ANKS1B: variants seen among roughly 807,000 people sequenced by gnomAD.
The protein encoded by ANKS1B is ankyrin repeat and sterile alpha motif domain-containing protein 1B.
ANKS1B carries 36 observed loss-of-function variants against 148.3 expected under a neutral mutation model. The ratio of observed to expected loss-of-function variants is 0.24; its 90% CI spans 0.19 to 0.32. ANKS1B has a LOEUF of 0.32. Among genes scored for constraint, ANKS1B ranks in the 10% least tolerant of loss-of-function variants. The pLI is 1.00. For synonymous variants in ANKS1B, 542 were observed against 560.8 expected, an observed-to-expected ratio of 0.97 and a Z score of 0.47; for missense variants, 1,157 against 1,542.6, an observed-to-expected ratio of 0.75 and a Z score of 4.19.
At chr12:98,894,826 G>A in intron 17 of ANKS1B, 4 of 982,730 alleles carry the variant, frequency 4.1e-6, no homozygotes, top group Non-Finnish European at 4.8e-6. Context: ...CGCGGAGCTT[G>A]GCCGCGCCGC....
intron 14 of ANKS1B, among the ~76,000 whole-genome samples, chr12:99,208,152 T>C (rs757064148): frequency 2.0e-5 from 3 of 152,112 alleles, no homozygotes; most frequent in Non-Finnish European, 4.4e-5. Flanking sequence ...TTTATCAAGA[T>C]GATTCTGTGT....
At chr12:99,362,106 T>A (rs1246217903) in intron 12 of ANKS1B, among the ~76,000 whole-genome samples, 1 of 152,050 alleles carries the variant, frequency 6.6e-6, no homozygotes, top group Non-Finnish European at 1.5e-5. Flanking sequence ...CATAAGGACA[T>A]TGCACAGCTT....
chr12:99,783,390 G>T (rs188638071), intron 4 of ANKS1B, among the ~76,000 whole-genome samples: 3 of 152,084 alleles, frequency 2.0e-5, no homozygotes, highest in African/African-American at 7.2e-5. Context: ...CATATCGCTA[G>T]CCTGAGAAAA....
intron 9 of ANKS1B, among the ~76,000 whole-genome samples, chr12:99,579,075 G>T (rs2097545590): frequency 6.6e-6 from 1 of 152,108 alleles, no homozygotes; most frequent in Non-Finnish European, 1.5e-5. Flanking sequence ...CTTCAAAAAA[G>T]TTGACAATAA....
At chr12:99,893,017 G>A (rs1050406338) in intron 1 of ANKS1B, among the ~76,000 whole-genome samples, 7 of 152,040 alleles carry the variant, frequency 4.6e-5, no homozygotes, top group Admixed American at 6.6e-5. Flanking sequence ...CTTCACCCAC[G>A]CACACAGAGT....
chr12:99,528,898 A>T (rs1320905760), intron 9 of ANKS1B, among the ~76,000 whole-genome samples: 1 of 152,290 alleles, frequency 6.6e-6, no homozygotes, highest in East Asian at 1.9e-4. Flanking sequence ...CTGGGAAATG[A>T]GATCATATTC....
chr12:99,163,737 A>T (rs2076929883), intron 14 of ANKS1B, among the ~76,000 whole-genome samples: 1 of 152,072 alleles, frequency 6.6e-6, no homozygotes, highest in Non-Finnish European at 1.5e-5. Context: ...AACATTTTGG[A>T]ATTGGGATTT....
At chr12:99,573,096 T>A (rs11109926) in intron 9 of ANKS1B, among the ~76,000 whole-genome samples, 38,400 of 151,916 alleles carry the variant, frequency 0.25, 5,175 homozygotes, top group East Asian at 0.34. Flanking sequence ...AGTTGTTAAG[T>A]TTCTCATCCT....
At chr12:99,505,343 G>A (rs533322056) in intron 9 of ANKS1B, among the ~76,000 whole-genome samples, 1 of 152,052 alleles carries the variant, frequency 6.6e-6, no homozygotes, top group South Asian at 2.1e-4. Flanking sequence ...TACAGTTTGA[G>A]CCATTGCTAA....
intron 9 of ANKS1B, among the ~76,000 whole-genome samples, chr12:99,529,799 T>TA (rs1311659432): frequency 6.7e-6 from 1 of 148,972 alleles, no homozygotes; most frequent in Non-Finnish European, 1.5e-5. Context: ...CATATTTAAA[T>TA]AATCTCCAAA....
chr12:98,936,849 G>C (rs533267103), intron 17 of ANKS1B, among the ~76,000 whole-genome samples: 6 of 152,250 alleles, frequency 3.9e-5, no homozygotes, highest in Admixed American at 6.5e-5. Context: ...TCTTGTCTAA[G>C]TACTTCTGAC....
At chr12:98,999,175 C>T (rs532355320) in intron 17 of ANKS1B, among the ~76,000 whole-genome samples, 1 of 152,328 alleles carries the variant, frequency 6.6e-6, no homozygotes, top group East Asian at 1.9e-4. Flanking sequence ...CTTTAAATTT[C>T]CTGTGAAAGT....
chr12:99,565,847 G>C (rs2097386001), intron 9 of ANKS1B, among the ~76,000 whole-genome samples: 1 of 152,122 alleles, frequency 6.6e-6, no homozygotes, highest in South Asian at 2.1e-4. Flanking sequence ...CACCATAAAA[G>C]AAAAGCCACA....
chr12:99,287,027 C>A (rs75516335), intron 12 of ANKS1B, among the ~76,000 whole-genome samples: 2,326 of 152,278 alleles, frequency 0.015, 36 homozygotes, highest in Non-Finnish European at 0.022. Context: ...TGCCTGCTGA[C>A]TGAAGAGCCT....
chr12:99,586,074 C>T (rs974397743), intron 9 of ANKS1B, among the ~76,000 whole-genome samples: 1 of 152,172 alleles, frequency 6.6e-6, no homozygotes, highest in Non-Finnish European at 1.5e-5. Flanking sequence ...TCTATTGCAT[C>T]ATCAGGCTGC....
chr12:99,716,013 C>T (rs1373074167), intron 8 of ANKS1B, among the ~76,000 whole-genome samples: 5 of 152,148 alleles, frequency 3.3e-5, no homozygotes, highest in Admixed American at 2.0e-4. Flanking sequence ...TGTCTGACCA[C>T]GCAGGGATGC....
intron 1 of ANKS1B, among the ~76,000 whole-genome samples, chr12:99,981,377 T>A (rs904145700): frequency 6.6e-6 from 1 of 152,074 alleles, no homozygotes; most frequent in African/African-American, 2.4e-5. Flanking sequence ...GTTGAAAGGA[T>A]AATTTCTTAT....
chr12:99,840,403 C>T (rs1017599277), intron 1 of ANKS1B, among the ~76,000 whole-genome samples: 5 of 152,020 alleles, frequency 3.3e-5, no homozygotes, highest in African/African-American at 1.2e-4. Context: ...GGAAAGCCAT[C>T]GGAGAGTTTT....
chr12:99,522,812 C>T (rs1470041394), intron 9 of ANKS1B, among the ~76,000 whole-genome samples: 1 of 152,102 alleles, frequency 6.6e-6, no homozygotes, highest in African/African-American at 2.4e-5. Context: ...GGCCTCCACT[C>T]TTCAGTGCTA....
Sources: allele counts gnomAD v4.1 joint callset (sites outside exome capture counted in the v4.1 genomes callset), GRCh38; gene constraint gnomAD v4.1.1; transcripts MANE v1.5; gene names NCBI Gene and HGNC (gene_info 2026-07-23, HGNC 2026-07-21).